The following PLXDC2 variants were observed in gnomAD, a reference collection of about 807,000 sequenced individuals.
The protein encoded by PLXDC2 is plexin domain containing 2.
PLXDC2 carries 40 observed loss-of-function variants against 68.9 expected under a neutral mutation model. The ratio of observed to expected loss-of-function variants is 0.58; its 90% confidence interval spans 0.45 to 0.76. PLXDC2 has a LOEUF of 0.76. Ranked by LOEUF, PLXDC2 falls within the 30% of genes least tolerant of loss-of-function variation. The pLI is 0.00. For missense variants in PLXDC2, 644 were observed against 661.9 expected (o/e 0.97, Z 0.30); for synonymous variants, 243 against 234.2 (o/e 1.04, Z -0.34).
chr10:19,866,981 G>C (rs969833527), intron 1 of PLXDC2, among the ~76,000 whole-genome samples: 1 of 151,882 alleles, frequency 6.6e-6, no homozygotes, highest in Non-Finnish European at 1.5e-5. Flanking sequence ...TTTGGCCTGT[G>C]GGTTTTCCTC....
chr10:20,126,125 T>C (rs1833771509), intron 4 of PLXDC2, among the ~76,000 whole-genome samples: 2 of 147,460 alleles, frequency 1.4e-5, no homozygotes, highest in Non-Finnish European at 3.0e-5. Context: ...ATATATAATA[T>C]ATGTTATATA....
chr10:20,129,001 G>T (rs967946423), intron 4 of PLXDC2, among the ~76,000 whole-genome samples: 1 of 152,092 alleles, frequency 6.6e-6, no homozygotes, highest in Non-Finnish European at 1.5e-5. Flanking sequence ...TATATACTCA[G>T]AAGTGGAATT....
At chr10:20,179,938 T>C (rs1358134196) in intron 9 of PLXDC2, among the ~76,000 whole-genome samples, 1 of 152,118 alleles carries the variant, frequency 6.6e-6, no homozygotes, top group Non-Finnish European at 1.5e-5. Context: ...TCTTGTGTTT[T>C]CAATACCTGC....
At chr10:19,975,366 G>A (rs2131615312) in intron 1 of PLXDC2, among the ~76,000 whole-genome samples, 1 of 152,316 alleles carries the variant, frequency 6.6e-6, no homozygotes, top group Non-Finnish European at 1.5e-5. Context: ...GCCGAGGCAG[G>A]AGAATGACGT....
In PLXDC2 at chr10:20,140,011, A is replaced by G. The variant is rs866419544; in HGVS notation, c.542-3284A>G. On this transcript the variant is annotated intron_variant, in intron 4 of 13. Coordinates refer to ENST00000377252, the MANE Select transcript of PLXDC2 (RefSeq NM_032812.9). ...CAGAACTTGAAGTATAATAATAAAA[A>G]TTAAAACGGCCAGGCGTGGTGGCAC... is the stretch of plus-strand genomic sequence containing the variant. Among the ~76,000 whole-genome samples, 26 of 152,250 alleles carry G rather than the reference A, an allele frequency of 1.7e-4. No homozygotes were observed. In the Middle Eastern group the frequency reaches 0.01, roughly 60 times the overall value.
chr10:19,825,066 G>A lies in PLXDC2; in HGVS notation c.112+7875G>A, dbSNP rs151277173. 2.0e-5 allele frequency among the ~76,000 whole-genome samples: 3 copies of A among 152,188 alleles called. No individual in the cohort carries two copies. In the East Asian group the frequency reaches 5.8e-4, roughly 30 times the overall value. ...TTACCTTACCCTTCAAATTAAAATA[G>A]GCTGTCCTCACTCTTTCTGCTTGAG... On this transcript the variant is annotated intron_variant, in intron 1 of 13. Coordinates refer to ENST00000377252, the MANE Select transcript of PLXDC2 (RefSeq NM_032812.9).
chr10:20,179,456 C>A (rs1834572903), intron 9 of PLXDC2, among the ~76,000 whole-genome samples: 1 of 151,908 alleles, frequency 6.6e-6, no homozygotes, highest in African/African-American at 2.4e-5. Flanking sequence ...TTGTCTAGCA[C>A]AAAGGGTTTC....
intron 13 of PLXDC2, among the ~76,000 whole-genome samples, chr10:20,246,558 CAG>C (rs1336611550): frequency 2.6e-5 from 4 of 152,214 alleles, no homozygotes; most frequent in African/African-American, 9.6e-5. Context: ...CCATGTTGGC[CAG>C]ACTGGTCTCA....
intron 4 of PLXDC2, among the ~76,000 whole-genome samples, chr10:20,101,947 G>A (rs1216812955): frequency 3.3e-5 from 5 of 151,682 alleles, no homozygotes; most frequent in African/African-American, 7.3e-5. Flanking sequence ...ACAGCCCCCC[G>A]ACCCCCACCA....
intron 2 of PLXDC2, among the ~76,000 whole-genome samples, chr10:20,008,165 C>T (rs1366071451): frequency 6.6e-6 from 1 of 152,168 alleles, no homozygotes; most frequent in Non-Finnish European, 1.5e-5. Context: ...AATTGCTGTA[C>T]ACAAGGTCAT....
intron 4 of PLXDC2, among the ~76,000 whole-genome samples, chr10:20,106,956 C>G (rs1365615204): frequency 2.7e-5 from 4 of 150,600 alleles, no homozygotes; most frequent in Admixed American, 6.6e-5. Context: ...AATGCTAACA[C>G]TCAAAAAACT....
intron 9 of PLXDC2, among the ~76,000 whole-genome samples, chr10:20,185,178 A>AAC (rs1256831368): frequency 1.3e-5 from 2 of 151,190 alleles, no homozygotes; most frequent in African/African-American, 2.4e-5. Context: ...AAAAAAAAAA[A>AAC]AAAAAAAAAC....
chr10:20,024,681 C>T (rs890508159), intron 2 of PLXDC2, among the ~76,000 whole-genome samples: 2 of 152,096 alleles, frequency 1.3e-5, no homozygotes, highest in Non-Finnish European at 2.9e-5. Context: ...AGGTCCTGAG[C>T]ACAGTACCCA....
intron 13 of PLXDC2, among the ~76,000 whole-genome samples, chr10:20,270,978 A>G (rs1835932559): frequency 6.6e-6 from 1 of 151,748 alleles, no homozygotes; most frequent in Non-Finnish European, 1.5e-5. Context: ...AGGAATGGAT[A>G]TGGGTAAACA....
At chr10:19,961,274 T>C (rs1304651833) in intron 1 of PLXDC2, among the ~76,000 whole-genome samples, 1 of 152,242 alleles carries the variant, frequency 6.6e-6, no homozygotes, top group Non-Finnish European at 1.5e-5. Flanking sequence ...TCCCTGCATA[T>C]ATCAACATGC....
chr10:20,046,220 T>A, intron 2 of PLXDC2, among the ~76,000 whole-genome samples: 1 of 152,112 alleles, frequency 6.6e-6, no homozygotes, highest in East Asian at 1.9e-4. Context: ...AGGACCTTTT[T>A]GTTCTGGTGA....
At position 19,918,807 on chromosome 10, in the gene PLXDC2, G is replaced by A. The variant is rs189772085; in HGVS notation, c.113-82968G>A. Among the ~76,000 whole-genome samples, 8 of 152,336 alleles carry A rather than the reference G, an allele frequency of 5.3e-5. No homozygotes were observed. The East Asian group carries it at 1.3e-3, about 26-fold the overall frequency. On this transcript the variant is annotated intron_variant, in intron 1 of 13. Transcript: ENST00000377252. ...TAAACTTTCTTAAAAGGACATGGAT[G>A]AGAATGGCTTCCCTTTCGGTATCAA...
chr10:19,864,121 C>T (rs1193691053), intron 1 of PLXDC2, among the ~76,000 whole-genome samples: 4 of 152,118 alleles, frequency 2.6e-5, no homozygotes, highest in South Asian at 2.1e-4. Context: ...CCACCTCTGC[C>T]TCCTGAGTAG....
At chr10:19,993,964 C>T (rs1834795367) in intron 1 of PLXDC2, among the ~76,000 whole-genome samples, 1 of 152,180 alleles carries the variant, frequency 6.6e-6, no homozygotes, top group South Asian at 2.1e-4. Context: ...AGATTGAACC[C>T]TTATGCCTCG....
Sources: gnomAD v4.1 joint callset for allele counts (sites outside exome capture counted in the v4.1 genomes callset) on GRCh38, gnomAD v4.1.1 for gene constraint, MANE v1.5 for transcripts, NCBI Gene and HGNC (gene_info 2026-07-23, HGNC 2026-07-21) for gene names.